The following DDAH1 variants were observed in gnomAD, a reference collection of about 807,000 sequenced individuals.
DDAH1 encodes the protein dimethylarginine dimethylaminohydrolase 1.
In DDAH1, 19 loss-of-function variants were observed where a neutral mutation model predicts 28.8. The ratio of observed to expected loss-of-function variants is 0.66; its 90% CI spans 0.46 to 0.97. The LOEUF is 0.97. Ranked by LOEUF, DDAH1 falls within the 50% of genes least tolerant of loss-of-function variation. DDAH1 has a pLI of 0.00. For synonymous variants in DDAH1, 153 were observed against 154.4 expected (o/e 0.99, Z 0.07); for missense variants, 326 against 375.9 (o/e 0.87, Z 1.10).
intron 4 of DDAH1, among the ~76,000 whole-genome samples, chr1:85,330,127 G>C (rs1647671899): frequency 6.6e-6 from 1 of 152,212 alleles, no homozygotes; most frequent in Non-Finnish European, 1.5e-5. Context: ...CAGGGTGCTG[G>C]CCATTCAGCA....
intron 4 of DDAH1, among the ~76,000 whole-genome samples, chr1:85,326,347 A>G (rs1044157903): frequency 2.6e-5 from 4 of 152,252 alleles, no homozygotes; most frequent in African/African-American, 9.6e-5. Flanking sequence ...ATTACAGTTT[A>G]GTGGAGGAAA....
Position 85,381,576 on chromosome 1 carries a change from G to A in DDAH1, c.304-22729C>T, listed in dbSNP as rs575460952. On this transcript the variant is annotated intron_variant, in intron 1 of 5. Coordinates refer to ENST00000284031, the MANE Select transcript of DDAH1 (RefSeq NM_012137.4). ...CTGCATTGTTTCTAATGGGAATTCC[G>A]CTGTCATCCTAGTCTTTGTTCCTTT... Among the ~76,000 whole-genome samples, 6 of 150,848 alleles carry A rather than the reference G, an allele frequency of 4.0e-5. No individual in the cohort carries two copies. In the East Asian group the frequency reaches 7.9e-4, roughly 20 times the overall value.
intron 2 of DDAH1, among the ~76,000 whole-genome samples, chr1:85,355,290 A>T (rs1649434413): frequency 6.6e-6 from 1 of 152,158 alleles, no homozygotes; most frequent in Admixed American, 6.5e-5. Flanking sequence ...AAGTTTAAGG[A>T]ATATATAATT....
At chr1:85,532,981 A>C (rs1292526342) in intron 1 of DDAH1, among the ~76,000 whole-genome samples, 2 of 152,212 alleles carry the variant, frequency 1.3e-5, no homozygotes, top group Non-Finnish European at 2.9e-5. Context: ...GGAAGGTATA[A>C]CTAGCATTAA....
At chr1:85,573,880 C>T (rs144433279) in intron 1 of DDAH1, among the ~76,000 whole-genome samples, 6 of 152,338 alleles carry the variant, frequency 3.9e-5, no homozygotes, top group Non-Finnish European at 4.4e-5. Flanking sequence ...GGGTGCTGTT[C>T]CCTACAATTT....
chr1:85,388,763 G>A (rs551952993), intron 1 of DDAH1, among the ~76,000 whole-genome samples: 1 of 152,286 alleles, frequency 6.6e-6, no homozygotes, highest in East Asian at 1.9e-4. Flanking sequence ...TCACAAAGGA[G>A]AAAGTGTCAC....
chr1:85,548,860 C>A (rs1339268916), intron 1 of DDAH1, among the ~76,000 whole-genome samples: 1 of 152,136 alleles, frequency 6.6e-6, no homozygotes, highest in African/African-American at 2.4e-5. Context: ...GAGAAGTCCT[C>A]CAGAGCACTG....
intron 4 of DDAH1, among the ~76,000 whole-genome samples, chr1:85,325,635 T>G (rs1462550700): frequency 6.6e-6 from 1 of 150,884 alleles, no homozygotes; most frequent in Non-Finnish European, 1.5e-5. Context: ...ACTTGGCAGG[T>G]CTGTTCTTCA....
intron 1 of DDAH1, among the ~76,000 whole-genome samples, chr1:85,446,366 A>G (rs557185692): frequency 1.3e-5 from 2 of 152,236 alleles, no homozygotes; most frequent in Non-Finnish European, 2.9e-5. Context: ...CTATCATGAG[A>G]ACAGCATGGG....
chr1:85,422,798 G>A (rs1262003838), intron 1 of DDAH1, among the ~76,000 whole-genome samples: 10 of 152,112 alleles, frequency 6.6e-5, no homozygotes, highest in African/African-American at 1.7e-4. Context: ...CCCTCATGAC[G>A]AGATTAGTGA....
intron 1 of DDAH1, among the ~76,000 whole-genome samples, chr1:85,569,150 T>C (rs971371961): frequency 3.9e-5 from 6 of 152,194 alleles, no homozygotes; most frequent in Admixed American, 3.9e-4. Flanking sequence ...CAGATCCACA[T>C]TGAAACCAAA....
At chr1:85,554,270 G>C (rs141256097) in intron 1 of DDAH1, among the ~76,000 whole-genome samples, 3 of 123,090 alleles carry the variant, frequency 2.4e-5, no homozygotes, top group African/African-American at 9.6e-5. Flanking sequence ...AAAGGAAATT[G>C]TAAGAGTTTT....
intron 1 of DDAH1, among the ~76,000 whole-genome samples, chr1:85,547,979 T>C (rs1658676681): frequency 6.6e-6 from 1 of 152,228 alleles, no homozygotes; most frequent in Admixed American, 6.5e-5. Flanking sequence ...AGGCCATTCG[T>C]TCTTAACCTA....
At position 85,493,309 on chromosome 1, in the gene DDAH1, T is replaced by C. The variant is rs947935652; in HGVS notation, c.-7+2857A>G. ...TTGTTAACTGAATGAAATGAATAAA[T>C]GACTTAAAGTTAAGTTGGTGGTAGT... On this transcript the variant is annotated intron_variant, in intron 2 of 6. Transcript: ENST00000426972. 8 of 152,160 alleles carry C rather than the reference T, an allele frequency of 5.3e-5. No homozygotes were observed. In the South Asian group the frequency reaches 1.2e-3, roughly 24 times the overall value. The allele number at this position is 152,160 out of a possible 1,614,324, so 9.4% of individuals were successfully genotyped here. A position where few individuals can be genotyped will look rare whatever the true frequency, so the allele number is the denominator to read the frequency against.
chr1:85,354,848 C>A, intron 2 of DDAH1, among the ~76,000 whole-genome samples: 1 of 150,652 alleles, frequency 6.6e-6, no homozygotes, highest in African/African-American at 2.4e-5. Context: ...AGATGAAAGG[C>A]TAAAATTAAT....
At position 85,426,921 on chromosome 1, in the gene DDAH1, C is replaced by CAAAA. The variant is rs10680800; in HGVS notation, c.303+37818_303+37821dup. Among the ~76,000 whole-genome samples, 81 of 120,424 alleles carry CAAAA rather than the reference C, an allele frequency of 6.7e-4. 2 individuals are homozygous for CAAAA. The highest frequency in any genetic ancestry group is 7.8e-4 in the Non-Finnish European group (47 of 60,464). 79.0% of individuals were successfully genotyped at this position (120,424 alleles called of 152,430 possible). A position where few individuals can be genotyped will look rare whatever the true frequency, so the allele number is the denominator to read the frequency against. ...GTGAGACTCTGATTCTTAAAAAAAA[C>CAAAA]AAAAAAAAAAAAAAAAAAGGAAAAA... On this transcript the variant is annotated intron_variant, in intron 1 of 5. Coordinates refer to ENST00000284031, the MANE Select transcript of DDAH1 (RefSeq NM_012137.4).
At chr1:85,358,026 C>G (rs1286658351) in intron 2 of DDAH1, among the ~76,000 whole-genome samples, 1 of 152,168 alleles carries the variant, frequency 6.6e-6, no homozygotes, top group African/African-American at 2.4e-5. Context: ...ACCTTGCCAT[C>G]TGGAAAGAAA....
intron 1 of DDAH1, among the ~76,000 whole-genome samples, chr1:85,499,835 A>C (rs1246013995): frequency 1.3e-5 from 2 of 152,214 alleles, no homozygotes; most frequent in Admixed American, 6.5e-5. Context: ...AGTTTTACTC[A>C]TTCAATAATA....
intron 1 of DDAH1, among the ~76,000 whole-genome samples, chr1:85,563,805 G>A (rs915544229): frequency 2.0e-5 from 3 of 152,210 alleles, no homozygotes; most frequent in Non-Finnish European, 4.4e-5. Flanking sequence ...AAAAGGTCAA[G>A]GAAAGATTAA....
Sources: gnomAD v4.1 joint callset for allele counts (sites outside exome capture counted in the v4.1 genomes callset) on GRCh38, gnomAD v4.1.1 for gene constraint, MANE v1.5 for transcripts, NCBI Gene and HGNC (gene_info 2026-07-23, HGNC 2026-07-21) for gene names.